The following SLC3A2 variants were observed in gnomAD, a reference collection of about 807,000 sequenced individuals.
SLC3A2 encodes the protein amino acid transporter heavy chain SLC3A2.
A neutral mutation model predicts 48.5 loss-of-function variants in SLC3A2; 32 were observed. That is an observed-to-expected ratio of 0.66 (90% CI 0.50 to 0.89). The LOEUF is 0.89. Among genes scored for constraint, SLC3A2 ranks in the 40% least tolerant of loss-of-function variants. SLC3A2 has a pLI of 0.00. For synonymous variants in SLC3A2, 277 were observed against 288.8 expected (o/e 0.96, Z 0.41); for missense variants, 587 against 680.7 (o/e 0.86, Z 1.53).
At chr11:62,867,899 A>G (rs2085470499) in intron 1 of SLC3A2, among the ~76,000 whole-genome samples, 1 of 151,804 alleles carries the variant, frequency 6.6e-6, no homozygotes, top group Non-Finnish European at 1.5e-5. Context: ...TTATTTTACA[A>G]ATGTTCTACA....
chr11:62,885,658 A>G (rs1409499823), intron 7 of SLC3A2, 50 bp downstream of exon 7: 2 of 1,597,498 alleles, frequency 1.3e-6, no homozygotes, highest in Non-Finnish European at 1.7e-6. Flanking sequence ...TCCATCTTAC[A>G]ATGATGATTC....
intron 2 of SLC3A2, 22 bp downstream of exon 2, chr11:62,882,088 A>G (rs199643621): frequency 2.5e-6 from 4 of 1,613,838 alleles, no homozygotes; most frequent in East Asian, 2.2e-5. Context: ...GGGGTTCCCA[A>G]GGAAACAGCT....
intron 5 of SLC3A2, 65 bp downstream of exon 5, chr11:62,884,755 C>G (rs968166607): frequency 6.7e-6 from 9 of 1,334,076 alleles, no homozygotes; most frequent in Non-Finnish European, 8.1e-6. Context: ...GAGTGCTAGG[C>G]CTAAGAAGGG....
chr11:62,867,327 T>C (rs915219126), intron 1 of SLC3A2, among the ~76,000 whole-genome samples: 34 of 113,370 alleles, frequency 3.0e-4, no homozygotes, highest in East Asian at 1.6e-3. Flanking sequence ...CTTTTCTTTT[T>C]TTTTTTTTTT....
intron 1 of SLC3A2, among the ~76,000 whole-genome samples, chr11:62,861,775 C>T (rs1336365374): frequency 6.6e-6 from 1 of 151,754 alleles, no homozygotes; most frequent in Admixed American, 6.6e-5. Context: ...ATCAGCCAGG[C>T]GTGGTGGCAT....
At position 62,885,571 on chromosome 11, in the gene SLC3A2, A is replaced by T. The variant is rs1340554996; in HGVS notation, c.1106A>T (p.Asp369Val). Reference sequence around the variant, plus strand: ...GGGACCCCTGTTTTCAGCTACGGGGATGAGATTGGCCTGGATGCAGCTGCC... The same window carrying T: ...GGGACCCCTGTTTTCAGCTACGGGGTTGAGATTGGCCTGGATGCAGCTGCC... Reference protein sequence around the residue: ...LPGTPVFSYGDEIGLDAAALP... With the variant: ...LPGTPVFSYGVEIGLDAAALP... Residue 369 changes from aspartate (D) to valine (V), a missense_variant, in exon 7 of 9, where the codon GAT (aspartate) becomes GTT (valine). Physicochemically the swap from Asp to Val is radical, Grantham distance 152 (BLOSUM62 -3). This residue lies in a region of SLC3A2 where 9 missense variants were observed against 29.7 expected (regional missense o/e 0.30). Transcript: ENST00000338663. 6.2e-7 allele frequency: 1 copy of T among 1,614,082 alleles called. No homozygotes were observed.
In SLC3A2 at chr11:62,867,060, G is replaced by A. The variant is rs189155577; in HGVS notation, c.112+10679G>A. On this transcript the variant is annotated intron_variant, in intron 1 of 9. Coordinates refer to the SLC3A2 transcript ENST00000377889. ...GGCTGGAGTGCGATGGACTGATCTC[G>A]GCTCGCCGCAACCTCCGCCTCCCAG... 1.9e-3 allele frequency among the ~76,000 whole-genome samples: 293 copies of A among 151,958 alleles called. 2 individuals carry two copies. The highest frequency in any genetic ancestry group is 6.7e-3 in the African/African-American group (277 of 41,472).
rs779869225 is a variant in SLC3A2 at position 62,885,506 on chromosome 11, A to G, written c.1041A>G (p.Gln347=). 18 of 1,613,994 alleles carry G rather than the reference A, an allele frequency of 1.1e-5. No homozygotes were observed. In the African/African-American group the frequency reaches 1.9e-4, roughly 17 times the overall value. The part of the protein sequence containing the change: ...ARLLTSFLPA[Q]LLRLYQLMLF... ...TCCTGACTTCCTTCTTGCCGGCTCA[A>G]CTTCTCCGACTCTACCAGCTGATGC... The change falls in exon 7 of 9, where the codon CAA becomes CAG. Residue 347 remains glutamine, a synonymous_variant. Transcript: ENST00000338663.
chr11:62,880,866 C>G (rs1377869206), upstream of SLC3A2: 3 of 1,408,426 alleles, frequency 2.1e-6, no homozygotes, highest in Non-Finnish European at 2.8e-6. Context: ...CTCCGCTGCC[C>G]CTTCCCAGAG....
At chr11:62,860,864 A>G (rs749721231) in intron 1 of SLC3A2, among the ~76,000 whole-genome samples, 24 of 151,962 alleles carry the variant, frequency 1.6e-4, no homozygotes, top group Middle Eastern at 3.4e-3. Context: ...CTGCAAACAC[A>G]TTTTTAACAA....
chr11:62,873,880 G>A (rs1209011458), intron 1 of SLC3A2, among the ~76,000 whole-genome samples: 4 of 146,334 alleles, frequency 2.7e-5, no homozygotes, highest in Admixed American at 6.8e-5. Context: ...ATAACTCACT[G>A]TAGCTTCAAC....
At position 62,888,447 on chromosome 11, in the gene SLC3A2, A is replaced by G; in HGVS notation, c.1344A>G (p.Gly448=). ...TCCACGCGTTCTCCGCTGGGCCTGG[A>G]CTCTTCTCCTATATCCGCCACTGGG... ...GDFHAFSAGP[G]LFSYIRHWDQ... Residue 448 remains glycine (G), a synonymous_variant, in exon 9 of 9, where the codon GGA becomes GGG. Transcript: ENST00000338663. 1.9e-6 allele frequency: 3 copies of G among 1,613,874 alleles called. No homozygotes were observed. The highest frequency in any genetic ancestry group is 1.7e-5 in the Admixed American group (1 of 59,990).
chr11:62,881,587 C>G lies in SLC3A2; in HGVS notation c.424+140C>G, dbSNP rs1247539684. On this transcript the variant is annotated intron_variant, in intron 1 of 8. Coordinates refer to ENST00000338663, the MANE Select transcript of SLC3A2 (RefSeq NM_001013251.3). The surrounding 1 kb of genome is among the most constrained non-coding windows in gnomAD (Gnocchi z 4.0). ...ACGACTGTTCCCCCTTCCCCCACCCCCTCCCCGGCACATTGTCCTTCCCTC... is the reference window on the plus strand; with the variant it reads ...ACGACTGTTCCCCCTTCCCCCACCCGCTCCCCGGCACATTGTCCTTCCCTC... The G allele has an allele frequency of 8.3e-6, 10 of 1,201,222 alleles. No homozygotes were observed. Among genetic ancestry groups the G allele is most frequent in the Non-Finnish European group, 1.1e-5 (10 of 885,778 alleles). The allele number at this position is 1,201,222 out of a possible 1,614,324, so 74.4% of individuals were successfully genotyped here.
intron 5 of SLC3A2, 89 bp downstream of exon 5, chr11:62,884,779 T>C: frequency 1.1e-6 from 1 of 926,918 alleles, no homozygotes; most frequent in Non-Finnish European, 1.6e-6. Context: ...ATTCCTAGTC[T>C]AGAGCATTTT....
rs1269163742 is a variant in SLC3A2, at chr11:62,881,001, G to A, written c.-23G>A. The stretch of plus-strand genomic sequence containing the variant: ...CCACCATCTGACCGCAAGCTGCGTC[G>A]TGTCGCCGGTTCTGCAGGCACCATG... On this transcript the variant is annotated 5_prime_UTR_variant, in exon 1 of 9. It adds an upstream start codon to the 5' untranslated region. Coordinates refer to ENST00000338663, the MANE Select transcript of SLC3A2 (RefSeq NM_001013251.3). The surrounding 1 kb of genome is among the most constrained non-coding windows in gnomAD (Gnocchi z 4.0). 3.2e-6 allele frequency: 5 copies of A among 1,540,190 alleles called. No homozygotes were observed. The highest frequency in any genetic ancestry group is 4.4e-6 in the Non-Finnish European group (5 of 1,140,790).
At chr11:62,879,814 T>C (rs1052174438), upstream of SLC3A2, among the ~76,000 whole-genome samples, 2 of 152,242 alleles carry the variant, frequency 1.3e-5, no homozygotes, top group Non-Finnish European at 2.9e-5. Context: ...ACGGTGTTGA[T>C]GTCCGGTAGT....
chr11:62,886,307 AAAAG>A (rs1167624233), intron 7 of SLC3A2: 1 of 151,610 alleles, frequency 6.6e-6, no homozygotes, highest in African/African-American at 2.4e-5. Flanking sequence ...AAAAGAAAAG[AAAAG>A]AAAGAAAGAA....
intron 5 of SLC3A2, 48 bp downstream of exon 5, chr11:62,884,738 C>A: frequency 6.6e-7 from 1 of 1,508,142 alleles, no homozygotes; most frequent in Non-Finnish European, 9.0e-7. Flanking sequence ...GTGGGAACCC[C>A]TCAGTGGAGT....
At chr11:62,859,131 A>G (rs988024519) in intron 1 of SLC3A2, among the ~76,000 whole-genome samples, 3 of 152,232 alleles carry the variant, frequency 2.0e-5, no homozygotes, top group African/African-American at 7.2e-5. Flanking sequence ...AGACTATCAC[A>G]TGGGGAGAAA....
Sources: gnomAD v4.1 joint callset for allele counts (sites outside exome capture counted in the v4.1 genomes callset) on GRCh38, gnomAD v4.1.1 for gene constraint, gnomAD v4.1.1 regional missense constraint, Gnocchi (gnomAD v3.1) non-coding constraint, MANE v1.5 for transcripts, NCBI Gene and HGNC (gene_info 2026-07-23, HGNC 2026-07-21) for gene names.